Variants in SGCZ observed in about 807,000 individuals in gnomAD.
SGCZ encodes sarcoglycan zeta.
In SGCZ, 40 loss-of-function variants were observed where a neutral mutation model predicts 41.3. The observed-to-expected ratio is 0.97, with a 90% CI of 0.75 to 1.26. The LOEUF (loss-of-function observed/expected upper bound fraction) is 1.26, where lower values mean the gene tolerates loss of function less well. Ranked by LOEUF, SGCZ falls within the 50% of genes most tolerant of loss-of-function variation. The probability of loss-of-function intolerance (pLI) is 0.00; values close to 1 mark genes in which losing one functional copy is unlikely to be tolerated. For missense variants in SGCZ, 552 were observed against 369.8 expected (o/e 1.49, Z -4.04); for synonymous variants, 206 against 137.5 (o/e 1.50, Z -3.49).
At chr8:14,702,842 TAGATA>T (rs1809198770) in intron 1 of SGCZ, among the ~76,000 whole-genome samples, 1 of 123,454 alleles carries the variant, frequency 8.1e-6, no homozygotes, top group South Asian at 3.0e-4. Flanking sequence ...GATAGATAGA[TAGATA>T]GATAGATAGA....
At chr8:14,744,055 G>T (rs1220218594) in intron 1 of SGCZ, among the ~76,000 whole-genome samples, 1 of 152,084 alleles carries the variant, frequency 6.6e-6, no homozygotes, top group Non-Finnish European at 1.5e-5. Context: ...ACAGGCTGTT[G>T]AATAGCCACA....
chr8:14,431,104 A>G (rs191194838), intron 2 of SGCZ, among the ~76,000 whole-genome samples: 3 of 152,312 alleles, frequency 2.0e-5, no homozygotes, highest in Admixed American at 2.0e-4. Context: ...TGTGAAAATG[A>G]CCTCACTATC....
chr8:14,715,606 T>C (rs1420873467), intron 1 of SGCZ, among the ~76,000 whole-genome samples: 2 of 151,592 alleles, frequency 1.3e-5, no homozygotes, highest in African/African-American at 2.4e-5. Flanking sequence ...CCATGGCCAA[T>C]GGCAGGCACA....
At chr8:14,772,775 G>A (rs1800288336) in intron 1 of SGCZ, among the ~76,000 whole-genome samples, 1 of 151,964 alleles carries the variant, frequency 6.6e-6, no homozygotes, top group Non-Finnish European at 1.5e-5. Context: ...TTTTGTGGCT[G>A]CATAGTATTC....
rs529778888 is a variant in SGCZ at position 14,406,617 on chromosome 8, C to G, written c.235-82413G>C. 4.6e-5 allele frequency among the ~76,000 whole-genome samples: 7 copies of G among 152,182 alleles called. No individual in the cohort carries two copies. In the South Asian group the frequency reaches 1.5e-3, roughly 32 times the overall value. ...CTCGGGCACTAGATCAAATTGAGGACTAGCAAAAACAAGTACAGGGCAGAA... is the reference window on the plus strand; with the variant it reads ...CTCGGGCACTAGATCAAATTGAGGAGTAGCAAAAACAAGTACAGGGCAGAA... On this transcript the variant is annotated intron_variant, in intron 2 of 7. Coordinates refer to ENST00000382080, the MANE Select transcript of SGCZ (RefSeq NM_139167.4).
At chr8:14,736,587 C>T (rs1799038508) in intron 1 of SGCZ, among the ~76,000 whole-genome samples, 1 of 152,030 alleles carries the variant, frequency 6.6e-6, no homozygotes, top group African/African-American at 2.4e-5. Context: ...CTGAGCAGTA[C>T]ACACTACACC....
intron 1 of SGCZ, among the ~76,000 whole-genome samples, chr8:14,814,722 T>A (rs1476757629): frequency 6.6e-6 from 1 of 152,182 alleles, no homozygotes; most frequent in African/African-American, 2.4e-5. Flanking sequence ...AGTTGACTTC[T>A]CTCATCACCA....
intron 1 of SGCZ, among the ~76,000 whole-genome samples, chr8:15,220,946 G>T (rs866640583): frequency 6.6e-6 from 1 of 152,054 alleles, no homozygotes; most frequent in Non-Finnish European, 1.5e-5. Flanking sequence ...TCTCACTCAT[G>T]GGTGGGAATT....
chr8:14,805,523 G>C (rs1801490180), intron 1 of SGCZ, among the ~76,000 whole-genome samples: 1 of 137,338 alleles, frequency 7.3e-6, no homozygotes, highest in Non-Finnish European at 1.6e-5. Context: ...TCAACAAGAG[G>C]AGCTAACCAT....
At position 14,799,715 on chromosome 8, in the gene SGCZ, G is replaced by A. The variant is rs566982453; in HGVS notation, c.40-244789C>T. Among the ~76,000 whole-genome samples, 24 of 152,024 alleles carry A rather than the reference G, an allele frequency of 1.6e-4. 1 individual carries two copies. Among genetic ancestry groups the A allele is most frequent in the African/African-American group, 4.6e-4 (19 of 41,470 alleles). On this transcript the variant is annotated intron_variant, in intron 1 of 7. Coordinates refer to ENST00000382080, the MANE Select transcript of SGCZ (RefSeq NM_139167.4). ...ATTTTTTTTTTTAAATTTAAAAAGC[G>A]TAGAACCCTCCAGCTGAATCTACTC...
chr8:14,682,704 G>C (rs1187836639), intron 1 of SGCZ, among the ~76,000 whole-genome samples: 1 of 152,166 alleles, frequency 6.6e-6, no homozygotes. Context: ...AAAGTGCTGG[G>C]ATTACAGGCG....
intron 1 of SGCZ, among the ~76,000 whole-genome samples, chr8:14,779,332 C>A (rs1487877113): frequency 3.9e-5 from 6 of 152,226 alleles, no homozygotes; most frequent in African/African-American, 1.2e-4. Context: ...AGCATTTCCA[C>A]TGAGAAGCCT....
At chr8:14,747,142 C>A (rs1000178757) in intron 1 of SGCZ, among the ~76,000 whole-genome samples, 1 of 152,190 alleles carries the variant, frequency 6.6e-6, no homozygotes, top group Non-Finnish European at 1.5e-5. Context: ...TTCTGTTCAG[C>A]TGAAGATACT....
chr8:14,384,647 C>T (rs1284907521), intron 2 of SGCZ, among the ~76,000 whole-genome samples: 1 of 152,174 alleles, frequency 6.6e-6, no homozygotes, highest in Non-Finnish European at 1.5e-5. Context: ...GAAACCTCCA[C>T]CTCCTAGGCT....
chr8:14,556,220 G>C (rs144825746), intron 1 of SGCZ, among the ~76,000 whole-genome samples: 1,568 of 151,720 alleles, frequency 0.01, 16 homozygotes, highest in South Asian at 0.016. Context: ...TTTTCTATAA[G>C]ACAATAATTG....
intron 1 of SGCZ, among the ~76,000 whole-genome samples, chr8:14,944,863 A>C (rs1197671215): frequency 6.6e-6 from 1 of 152,146 alleles, no homozygotes; most frequent in Non-Finnish European, 1.5e-5. Flanking sequence ...CATTAAGTCA[A>C]ACCATTGTAA....
chr8:14,233,428 T>C (rs1445119933), intron 4 of SGCZ, among the ~76,000 whole-genome samples: 1 of 151,324 alleles, frequency 6.6e-6, no homozygotes, highest in African/African-American at 2.4e-5. Context: ...ATGTTATTGA[T>C]AAATAAAATA....
At chr8:14,282,989 A>C (rs1254200730) in intron 3 of SGCZ, among the ~76,000 whole-genome samples, 1 of 149,238 alleles carries the variant, frequency 6.7e-6, no homozygotes, top group Non-Finnish European at 1.5e-5. Flanking sequence ...AGCTGGGACT[A>C]CAGGTGCCCG....
rs186859549 is a variant in SGCZ, at chr8:14,247,786, C to A, written c.337-10107G>T. 4.5e-3 allele frequency among the ~76,000 whole-genome samples: 686 copies of A among 152,296 alleles called. 7 individuals carry two copies. Among genetic ancestry groups the A allele is most frequent in the Non-Finnish European group, 7.8e-3 (532 of 68,026 alleles). Reference sequence around the variant, plus strand: ...GTTCCAACCCTATCCACTGTGAGTGCTACTGTCTGTCCAGTCAGTATGTTC... The same window carrying A: ...GTTCCAACCCTATCCACTGTGAGTGATACTGTCTGTCCAGTCAGTATGTTC... On this transcript the variant is annotated intron_variant, in intron 3 of 7. Coordinates refer to ENST00000382080, the MANE Select transcript of SGCZ (RefSeq NM_139167.4).
Sources: gnomAD v4.1 joint callset for allele counts (sites outside exome capture counted in the v4.1 genomes callset) on GRCh38, gnomAD v4.1.1 for gene constraint, MANE v1.5 for transcripts, NCBI Gene and HGNC (gene_info 2026-07-23, HGNC 2026-07-21) for gene names.